C22orf23: variants seen among roughly 807,000 people sequenced by gnomAD.
The protein encoded by C22orf23 is chromosome 22 open reading frame 23.
C22orf23 carries 30 observed loss-of-function variants against 29.7 expected under a neutral mutation model. The observed-to-expected ratio is 1.01, with a 90% CI of 0.76 to 1.37. The LOEUF is 1.37. Ranked by LOEUF, C22orf23 falls within the 40% of genes most tolerant of loss-of-function variation. C22orf23 has a pLI of 0.00. For synonymous variants in C22orf23, 90 were observed against 96.1 expected, an observed-to-expected ratio of 0.94 and a Z score of 0.37; for missense variants, 237 against 273.1, an observed-to-expected ratio of 0.87 and a Z score of 0.93.
chr22:37,952,682 TC>T (rs1931129357), intron 2 of C22orf23: 1 of 182,346 alleles, frequency 5.5e-6, no homozygotes, highest in Non-Finnish European at 1.2e-5. Flanking sequence ...CTACCACCAT[TC>T]TTCTCTCATC....
Position 37,945,084 on chromosome 22 carries a change from G to A in C22orf23, c.439C>T (p.Arg147Ter), listed in dbSNP as rs577420086. Reference protein sequence around the residue: ...EERKRKAPPARQKAPAPELDR... With the variant: ...EERKRKAPPA ...AGCTCAGGGGCTGGAGCCTTCTGTC[G>A]TGCAGGAGGGGCCTTTCTTTTCCGT... The change falls in exon 5 of 7, where the codon CGA becomes TGA. Residue 147 changes from arginine to a stop codon, truncating the protein, a stop_gained. Transcript: ENST00000403305. LOFTEE classifies it high-confidence loss of function. 4.0e-5 allele frequency: 65 copies of A among 1,613,550 alleles called. No homozygotes were observed. Among genetic ancestry groups the A allele is most frequent in the Middle Eastern group, 1.7e-4 (1 of 6,058 alleles).
At chr22:37,950,259 TC>T (rs1930935413) in intron 3 of C22orf23, among the ~76,000 whole-genome samples, 1 of 151,210 alleles carries the variant, frequency 6.6e-6, no homozygotes, top group Non-Finnish European at 1.5e-5. Context: ...ATTACAGGCA[TC>T]CGCCATCATG....
At chr22:37,951,613 G>GC in intron 2 of C22orf23, 91 bp from the exon 3 acceptor site, 2 of 1,109,422 alleles carry the variant, frequency 1.8e-6, no homozygotes, top group South Asian at 2.6e-5. Flanking sequence ...CTACATCCTA[G>GC]CCCCATTCTG....
rs766825935 is a variant in C22orf23, at chr22:37,945,178, A to C, written c.350-5T>G. On this transcript the variant is annotated splice_polypyrimidine_tract_variant and splice_region_variant and intron_variant, in intron 4 of 6. Coordinates refer to ENST00000403305, the MANE Select transcript of C22orf23 (RefSeq NM_032561.5). The stretch of plus-strand genomic sequence containing the variant: ...GTTTCTCCTTCTCCAAATCCCCTGT[A>C]GGGCCAAAAAGAAATGGCCTAGTTA... The C allele has an allele frequency of 1.9e-5, 31 of 1,608,966 alleles. No individual in the cohort carries two copies. In the Middle Eastern group the frequency reaches 1.2e-3, roughly 60 times the overall value.
rs1025446374 is a variant in C22orf23 at position 37,953,086 on chromosome 22, T to G, written c.64A>C (p.Thr22Pro). 6.2e-7 allele frequency: 1 copy of G among 1,613,780 alleles called. No homozygotes were observed. Among genetic ancestry groups the G allele is most frequent in the South Asian group, 1.1e-5 (1 of 91,072 alleles). Residue 22 changes from threonine to proline, a missense_variant, in exon 2 of 7, where the codon ACC (threonine) becomes CCC (proline). Physicochemically the swap from Thr to Pro is conservative, Grantham distance 38 (BLOSUM62 -1). Coordinates refer to ENST00000403305, the MANE Select transcript of C22orf23 (RefSeq NM_032561.5). ...KGTGFRRRPKTITYTPGTCEL... is the reference protein window; with the variant it reads ...KGTGFRRRPKPITYTPGTCEL... ...CAGGTCCCCGGGGTGTAAGTGATGG[T>G]CTTGGGGCGGCGCCGGAACCCAGTT...
chr22:37,943,988 C>T lies in C22orf23; in HGVS notation c.*187G>A, dbSNP rs569070595. 1.6e-6 allele frequency: 1 copy of T among 629,914 alleles called. No individual in the cohort carries two copies. The highest frequency in any genetic ancestry group is 2.5e-5 in the Admixed American group (1 of 39,366). 39.0% of individuals were successfully genotyped at this position (629,914 alleles called of 1,614,324 possible). ...GACGGGGCTGTGAGTCTCAGAGGCT[C>T]CATCTGCATTCCGGGGCAGGGGCTA... On this transcript the variant is annotated 3_prime_UTR_variant, in exon 7 of 7. Transcript: ENST00000403305.
chr22:37,946,960 G>T lies in C22orf23; in HGVS notation c.349+321C>A, dbSNP rs562447839. On this transcript the variant is annotated intron_variant, in intron 4 of 6. Coordinates refer to ENST00000403305, the MANE Select transcript of C22orf23 (RefSeq NM_032561.5). Reference sequence around the variant, plus strand: ...GGAACCTGGGGCCTCGGCGATGCCTGTAGTGGCAACTTATGTATAGGGGCT... The same window carrying T: ...GGAACCTGGGGCCTCGGCGATGCCTTTAGTGGCAACTTATGTATAGGGGCT... Among the ~76,000 whole-genome samples, 129 of 151,814 alleles carry T rather than the reference G, an allele frequency of 8.5e-4. 2 individuals carry two copies. The highest frequency in any genetic ancestry group is 3.0e-3 in the African/African-American group (122 of 41,320).
intron 3 of C22orf23, 174 bp downstream of exon 3, chr22:37,951,286 G>A: frequency 1.7e-6 from 1 of 602,446 alleles, no homozygotes; most frequent in Non-Finnish European, 2.9e-6. Flanking sequence ...GAACTCCTGG[G>A]CTTAAGCCAT....
chr22:37,952,836 C>T (rs1931143280), intron 2 of C22orf23: 1 of 485,774 alleles, frequency 2.1e-6, no homozygotes, highest in Admixed American at 3.8e-5. Flanking sequence ...GCCTTAGATT[C>T]TCATAGGAGC....
intron 3 of C22orf23, among the ~76,000 whole-genome samples, chr22:37,948,585 C>T (rs1310735848): frequency 1.3e-5 from 2 of 152,190 alleles, no homozygotes; most frequent in African/African-American, 2.4e-5. Flanking sequence ...TGAGCCACTG[C>T]ACTCCAGCCT....
chr22:37,951,400 G>C (rs1300265597), intron 3 of C22orf23, 60 bp downstream of exon 3: 1 of 1,420,990 alleles, frequency 7.0e-7, no homozygotes, highest in African/African-American at 1.4e-5. Flanking sequence ...ACATGGAGAA[G>C]CATTAAAAGT....
intron 4 of C22orf23, 47 bp downstream of exon 4, chr22:37,947,234 C>T: frequency 6.3e-7 from 1 of 1,599,678 alleles, no homozygotes; most frequent in Non-Finnish European, 8.6e-7. Flanking sequence ...CTCCCTTGTC[C>T]TCCCCCAGGG....
At chr22:37,947,082 A>G (rs1258096755) in intron 4 of C22orf23, among the ~76,000 whole-genome samples, 199 bp downstream of exon 4, 1 of 151,908 alleles carries the variant, frequency 6.6e-6, no homozygotes, top group Non-Finnish European at 1.5e-5. Context: ...AAAATAAAAA[A>G]AAAAGGACCA....
At chr22:37,944,973 C>T in intron 5 of C22orf23, 69 bp downstream of exon 5, 1 of 1,497,562 alleles carries the variant, frequency 6.7e-7, no homozygotes, top group Non-Finnish European at 8.9e-7. Context: ...CCTGACTGCT[C>T]CATCCAATTC....
At chr22:37,949,144 T>C (rs1441180616) in intron 3 of C22orf23, among the ~76,000 whole-genome samples, 2 of 152,158 alleles carry the variant, frequency 1.3e-5, no homozygotes, top group African/African-American at 4.8e-5. Flanking sequence ...AGCAGGTACC[T>C]ATCCCTCCTG....
Position 37,953,570 on chromosome 22 carries a change from T to C in C22orf23, c.-132A>G, listed in dbSNP as rs1931207873. The C allele has an allele frequency of 3.4e-6, 2 of 592,792 alleles. No individual in the cohort carries two copies. The highest frequency in any genetic ancestry group is 5.8e-6 in the Non-Finnish European group (2 of 344,448). The allele number at this position is 592,792 out of a possible 1,614,324, so 36.7% of individuals were successfully genotyped here. A position where few individuals can be genotyped will look rare whatever the true frequency, so the allele number is the denominator to read the frequency against. ...AGAAATACTGCGCGATCTGGGCTGC[T>C]GGAGCTGGCAGCTAGCGCCTCTCGC... On this transcript the variant is annotated 5_prime_UTR_variant, in exon 1 of 7. Transcript: ENST00000403305.
At chr22:37,945,986 C>T (rs1442587065) in intron 4 of C22orf23, among the ~76,000 whole-genome samples, 1 of 151,490 alleles carries the variant, frequency 6.6e-6, no homozygotes. Context: ...GGGCCGGGCG[C>T]GGTAGCTCAT....
rs143365965 is a variant in C22orf23 at position 37,949,810 on chromosome 22, T to A, written c.166+1650A>T. The stretch of plus-strand genomic sequence containing the variant: ...GTCTACCTTTTCTGCCCATCCAGCC[T>A]CTACAAGGTCAATTCCCCAGGAGCG... On this transcript the variant is annotated intron_variant, in intron 3 of 6. Transcript: ENST00000403305. Among the ~76,000 whole-genome samples the A allele has an allele frequency of 5.7e-4, 87 of 152,168 alleles. 2 individuals carry two copies. The East Asian group carries it at 0.016, about 29-fold the overall frequency.
At chr22:37,944,352 T>C in intron 6 of C22orf23, 65 bp downstream of exon 6, 1 of 1,613,284 alleles carries the variant, frequency 6.2e-7, no homozygotes. Context: ...CAGCAGACCC[T>C]GTATTTCCAT....
Sources: allele counts gnomAD v4.1 joint callset (sites outside exome capture counted in the v4.1 genomes callset), GRCh38; gene constraint gnomAD v4.1.1; transcripts MANE v1.5; gene names NCBI Gene and HGNC (gene_info 2026-07-23, HGNC 2026-07-21).